KRTAP1-1: variants seen among roughly 807,000 people sequenced by gnomAD.
KRTAP1-1 encodes the protein keratin-associated protein 1-1.
KRTAP1-1 carries 9 observed loss-of-function variants against 14.1 expected under a neutral mutation model. The ratio of observed to expected loss-of-function variants is 0.64; its 90% CI spans 0.39 to 1.12. The LOEUF is 1.12. Ranked by LOEUF, KRTAP1-1 falls within the 50% of genes most tolerant of loss-of-function variation. The probability of loss-of-function intolerance (pLI) is 0.01; values close to 1 mark genes in which losing one functional copy is unlikely to be tolerated. For synonymous variants in KRTAP1-1, 77 were observed against 80.5 expected, an observed-to-expected ratio of 0.96 and a Z score of 0.23; for missense variants, 179 against 230.9, an observed-to-expected ratio of 0.78 and a Z score of 1.46.
chr17:41,040,666 C>G lies in KRTAP1-1; in HGVS notation c.*198G>C. The G allele has an allele frequency of 1.8e-6, 1 of 557,228 alleles. No homozygotes were observed. Among genetic ancestry groups the G allele is most frequent in the South Asian group, 3.5e-5 (1 of 28,962 alleles). The allele number at this position is 557,228 out of a possible 1,614,324, so 34.5% of individuals were successfully genotyped here. ...ATCTAACTCTTTTCACATTGTAGGACTTTGGCTGACAACCAGGTCTAGGAA... is the reference window on the plus strand; with the variant it reads ...ATCTAACTCTTTTCACATTGTAGGAGTTTGGCTGACAACCAGGTCTAGGAA... On this transcript the variant is annotated 3_prime_UTR_variant, in exon 1 of 1. Coordinates refer to ENST00000306271, the MANE Select transcript of KRTAP1-1 (RefSeq NM_030967.3).
chr17:41,040,723 A>T lies in KRTAP1-1; in HGVS notation c.*141T>A. 2.9e-6 allele frequency: 3 copies of T among 1,045,950 alleles called. No homozygotes were observed. Among genetic ancestry groups the T allele is most frequent in the Non-Finnish European group, 2.7e-6 (2 of 749,774 alleles). 64.8% of individuals were successfully genotyped at this position (1,045,950 alleles called of 1,614,324 possible). A position where few individuals can be genotyped will look rare whatever the true frequency, so the allele number is the denominator to read the frequency against. ...TTGGTCTTCCATTGTAAATGAATTTACTTCCTAGGGAATTTATGTGGCTGT... is the reference window on the plus strand; with the variant it reads ...TTGGTCTTCCATTGTAAATGAATTTTCTTCCTAGGGAATTTATGTGGCTGT... On this transcript the variant is annotated 3_prime_UTR_variant, in exon 1 of 1. Transcript: ENST00000306271.
At position 41,040,930 on chromosome 17, in the gene KRTAP1-1, T is replaced by C. The variant is rs1426815415; in HGVS notation, c.468A>G (p.Pro156=). 2 of 1,612,612 alleles carry C rather than the reference T, an allele frequency of 1.2e-6. No individual in the cohort carries two copies. The highest frequency in any genetic ancestry group is 1.3e-5 in the African/African-American group (1 of 75,016). The change falls in exon 1 of 1, where the codon CCA becomes CCG. Residue 156 remains proline, a synonymous_variant. Transcript: ENST00000306271. ...LHHAEASCCR[P]SYCGQSCCRP... Reference sequence around the variant, plus strand: ...GGCAACAGGACTGTCCACAGTAGGATGGGCGGCAGCAGGAGGCCTCGGCGT... The same window carrying C: ...GGCAACAGGACTGTCCACAGTAGGACGGGCGGCAGCAGGAGGCCTCGGCGT...
rs780756148 is a variant in KRTAP1-1 at position 41,040,937 on chromosome 17, C to T, written c.461G>A (p.Cys154Tyr). 1 of 1,612,762 alleles carries T rather than the reference C, an allele frequency of 6.2e-7. No homozygotes were observed. The highest frequency in any genetic ancestry group is 1.7e-5 in the Admixed American group (1 of 59,960). ...GGACTGTCCACAGTAGGATGGGCGG[C>T]AGCAGGAGGCCTCGGCGTGGTGCAG... is the stretch of plus-strand genomic sequence containing the variant. ...CQLHHAEASC[C>Y]RPSYCGQSCC... Residue 154 changes from cysteine to tyrosine, a missense_variant, in exon 1 of 1, where the codon TGC becomes TAC. Coordinates refer to ENST00000306271, the MANE Select transcript of KRTAP1-1 (RefSeq NM_030967.3).
chr17:41,041,423 G>A lies in KRTAP1-1; in HGVS notation c.-26C>T. ...GGTGTCAGGAGTTGATCTGAAGGTTGGGTTGCTTGGAGGAGTTTCTGAATT... is the reference window on the plus strand; with the variant it reads ...GGTGTCAGGAGTTGATCTGAAGGTTAGGTTGCTTGGAGGAGTTTCTGAATT... On this transcript the variant is annotated 5_prime_UTR_variant, in exon 1 of 1. Coordinates refer to ENST00000306271, the MANE Select transcript of KRTAP1-1 (RefSeq NM_030967.3). The A allele has an allele frequency of 6.2e-7, 1 of 1,609,204 alleles. No homozygotes were observed. Among genetic ancestry groups the A allele is most frequent in the Non-Finnish European group, 8.5e-7 (1 of 1,176,130 alleles).
rs1157914813 is a variant in KRTAP1-1 at position 41,041,324 on chromosome 17, C to T, written c.74G>A (p.Cys25Tyr). Residue 25 changes from cysteine (C) to tyrosine (Y), a missense_variant, in exon 1 of 1, where the codon TGC (cysteine) becomes TAC (tyrosine). Transcript: ENST00000306271. ...GCTGGTCTCACAGCAGCTTGGCTGG[C>T]AGCAGCTGGAGCCGCAGGTCCCACT... ...STSGTCGSSCCQPSCCETSSC... is the reference protein window; with the variant it reads ...STSGTCGSSCYQPSCCETSSC... 3 of 1,538,814 alleles carry T rather than the reference C, an allele frequency of 1.9e-6. No homozygotes were observed. Among genetic ancestry groups the T allele is most frequent in the South Asian group, 2.3e-5 (2 of 88,262 alleles).
rs2012691190 is a variant in KRTAP1-1, at chr17:41,040,778, G to A, written c.*86C>T. 4 of 1,346,362 alleles carry A rather than the reference G, an allele frequency of 3.0e-6. No individual in the cohort carries two copies. The highest frequency in any genetic ancestry group is 3.0e-6 in the Non-Finnish European group (3 of 987,180). 83.4% of individuals were successfully genotyped at this position (1,346,362 alleles called of 1,614,324 possible). On this transcript the variant is annotated 3_prime_UTR_variant, in exon 1 of 1. Coordinates refer to ENST00000306271, the MANE Select transcript of KRTAP1-1 (RefSeq NM_030967.3). ...TGAGAGGTTGCAAGCCCAGTTATAG[G>A]TACTGGAGTTCAGAAGATTGTTAGG...
chr17:41,041,212 G>A lies in KRTAP1-1; in HGVS notation c.186C>T (p.Thr62=), dbSNP rs557959680. The change falls in exon 1 of 1, where the codon ACC becomes ACT. Residue 62 remains threonine (T), a synonymous_variant. Transcript: ENST00000306271. ...AGCAGCTAGAGTCACAAGTCCCACC[G>A]GTTGAGAAGCTAGGAAATCCACAGA... ...TSFCGFPSFS[T]GGTCDSSCCQ... is the part of the protein sequence containing the mutation. 5.5e-4 allele frequency: 857 copies of A among 1,563,710 alleles called. 3 individuals are homozygous for A. Among genetic ancestry groups the A allele is most frequent in the Non-Finnish European group, 2.5e-4 (293 of 1,160,938 alleles).
Position 41,040,886 on chromosome 17 carries a change from T to C in KRTAP1-1, c.512A>G (p.Tyr171Cys). The C allele has an allele frequency of 1.9e-6, 3 of 1,591,238 alleles. No individual in the cohort carries two copies. Among genetic ancestry groups the C allele is most frequent in the Non-Finnish European group, 2.6e-6 (3 of 1,165,346 alleles). ...TTTTCAACAAGTGGGCTCAGAGCAG[T>C]AGCAGCAGCAGACTGGGCGGCAACA... is the stretch of plus-strand genomic sequence containing the variant. ...QSCCRPVCCC[Y>C]CSEPTC is the part of the protein sequence containing the mutation. Residue 171 changes from tyrosine (Y) to cysteine (C), a missense_variant, in exon 1 of 1, where the codon TAC becomes TGC. Transcript: ENST00000306271.
rs1432612923 is a variant in KRTAP1-1 at position 41,041,118 on chromosome 17, C to T, written c.280G>A (p.Gly94Ser). Residue 94 changes from glycine to serine, a missense_variant, in exon 1 of 1, where the codon GGC becomes AGC. Gly to Ser is a moderately conservative substitution (Grantham distance 56). Transcript: ENST00000306271. ...SCYQTSSCGT[G>S]CGIGGGIGYG... Reference sequence around the variant, plus strand: ...CCAATGCCACCACCAATGCCACAGCCAGTTCCGCAGGAGCTGGTCTGGTAG... The same window carrying T: ...CCAATGCCACCACCAATGCCACAGCTAGTTCCGCAGGAGCTGGTCTGGTAG... 6.2e-7 allele frequency: 1 copy of T among 1,613,942 alleles called. No homozygotes were observed. Among genetic ancestry groups the T allele is most frequent in the Non-Finnish European group, 8.5e-7 (1 of 1,179,960 alleles).
At position 41,040,929 on chromosome 17, in the gene KRTAP1-1, A is replaced by T. The variant is rs1168354474; in HGVS notation, c.469T>A (p.Ser157Thr). Residue 157 changes from serine to threonine, a missense_variant, in exon 1 of 1, where the codon TCC (serine) becomes ACC (threonine). Physicochemically the swap from Ser to Thr is moderately conservative, Grantham distance 58. Coordinates refer to ENST00000306271, the MANE Select transcript of KRTAP1-1 (RefSeq NM_030967.3). ...HHAEASCCRP[S>T]YCGQSCCRPV... ...CGGCAACAGGACTGTCCACAGTAGG[A>T]TGGGCGGCAGCAGGAGGCCTCGGCG... is the stretch of plus-strand genomic sequence containing the variant. The T allele has an allele frequency of 2.5e-6, 4 of 1,612,622 alleles. No individual in the cohort carries two copies. The highest frequency in any genetic ancestry group is 2.7e-5 in the African/African-American group (2 of 75,028).
Position 41,040,752 on chromosome 17 carries a change from A to G in KRTAP1-1, c.*112T>C, listed in dbSNP as rs1254950410. The G allele has an allele frequency of 3.3e-6, 4 of 1,205,490 alleles. No homozygotes were observed. Among genetic ancestry groups the G allele is most frequent in the South Asian group, 1.7e-5 (1 of 58,552 alleles). The allele number at this position is 1,205,490 out of a possible 1,614,324, so 74.7% of individuals were successfully genotyped here. On this transcript the variant is annotated 3_prime_UTR_variant, in exon 1 of 1. Coordinates refer to ENST00000306271, the MANE Select transcript of KRTAP1-1 (RefSeq NM_030967.3). ...CCTAGGGAATTTATGTGGCTGTGTG[A>G]TGAGAGGTTGCAAGCCCAGTTATAG...
Position 41,040,736 on chromosome 17 carries a change from T to A in KRTAP1-1, c.*128A>T, listed in dbSNP as rs1597952055. On this transcript the variant is annotated 3_prime_UTR_variant, in exon 1 of 1. Transcript: ENST00000306271. ...GTAAATGAATTTACTTCCTAGGGAA[T>A]TTATGTGGCTGTGTGATGAGAGGTT... 1 of 1,121,606 alleles carries A rather than the reference T, an allele frequency of 8.9e-7. No individual in the cohort carries two copies. The highest frequency in any genetic ancestry group is 2.6e-5 in the East Asian group (1 of 38,606). The allele number at this position is 1,121,606 out of a possible 1,614,324, so 69.5% of individuals were successfully genotyped here. A position where few individuals can be genotyped will look rare whatever the true frequency, so the allele number is the denominator to read the frequency against.
chr17:41,040,751 G>A lies in KRTAP1-1; in HGVS notation c.*113C>T. The stretch of plus-strand genomic sequence containing the variant: ...TCCTAGGGAATTTATGTGGCTGTGT[G>A]ATGAGAGGTTGCAAGCCCAGTTATA... On this transcript the variant is annotated 3_prime_UTR_variant, in exon 1 of 1. Transcript: ENST00000306271. The A allele has an allele frequency of 1.7e-6, 2 of 1,197,122 alleles. No individual in the cohort carries two copies. The highest frequency in any genetic ancestry group is 2.3e-6 in the Non-Finnish European group (2 of 869,924). 74.2% of individuals were successfully genotyped at this position (1,197,122 alleles called of 1,614,324 possible). A position where few individuals can be genotyped will look rare whatever the true frequency, so the allele number is the denominator to read the frequency against.
Position 41,041,097 on chromosome 17 carries a change from T to C in KRTAP1-1, c.301A>G (p.Ile101Val). ...CTGCTGCCCTCCTGGCCATAGCCAA[T>C]GCCACCACCAATGCCACAGCCAGTT... ...CGTGCGIGGG[I>V]GYGQEGSSGA... The change falls in exon 1 of 1, where the codon ATT becomes GTT. Residue 101 changes from isoleucine (I) to valine (V), a missense_variant. Physicochemically the swap from Ile to Val is conservative, Grantham distance 29. Coordinates refer to ENST00000306271, the MANE Select transcript of KRTAP1-1 (RefSeq NM_030967.3). 2 of 1,613,950 alleles carry C rather than the reference T, an allele frequency of 1.2e-6. No homozygotes were observed. Among genetic ancestry groups the C allele is most frequent in the Non-Finnish European group, 1.7e-6 (2 of 1,179,958 alleles).
chr17:41,041,181 G>T lies in KRTAP1-1; in HGVS notation c.217C>A (p.Pro73Thr). 6.2e-7 allele frequency: 1 copy of T among 1,607,814 alleles called. No homozygotes were observed. Among genetic ancestry groups the T allele is most frequent in the East Asian group, 2.2e-5 (1 of 44,836 alleles). ...CAGCAGCTAGTTTCACAGCAGCTTG[G>T]CTGGCAGCAGCTAGAGTCACAAGTC... Reference protein sequence around the residue: ...GGTCDSSCCQPSCCETSCCQP... With the variant: ...GGTCDSSCCQTSCCETSCCQP... Residue 73 changes from proline (P) to threonine (T), a missense_variant, in exon 1 of 1, where the codon CCA becomes ACA. Coordinates refer to ENST00000306271, the MANE Select transcript of KRTAP1-1 (RefSeq NM_030967.3).
chr17:41,040,897 G>A lies in KRTAP1-1; in HGVS notation c.501C>T (p.Val167=). 6.3e-7 allele frequency: 1 copy of A among 1,597,538 alleles called. No homozygotes were observed. The stretch of plus-strand genomic sequence containing the variant: ...TGGGCTCAGAGCAGTAGCAGCAGCA[G>A]ACTGGGCGGCAACAGGACTGTCCAC... ...SYCGQSCCRP[V]CCCYCSEPTC Residue 167 remains valine (V), a synonymous_variant, in exon 1 of 1, where the codon GTC becomes GTT. Transcript: ENST00000306271.
chr17:41,041,132 C>G lies in KRTAP1-1; in HGVS notation c.266G>C (p.Ser89Thr), dbSNP rs1567906454. 1.2e-6 allele frequency: 2 copies of G among 1,614,016 alleles called. No individual in the cohort carries two copies. Among genetic ancestry groups the G allele is most frequent in the Admixed American group, 1.7e-5 (1 of 60,022 alleles). ...AATGCCACAGCCAGTTCCGCAGGAGCTGGTCTGGTAGCAGCTTGGCTGGCA... is the reference window on the plus strand; with the variant it reads ...AATGCCACAGCCAGTTCCGCAGGAGGTGGTCTGGTAGCAGCTTGGCTGGCA... ...SCCQPSCYQT[S>T]SCGTGCGIGG... Residue 89 changes from serine (S) to threonine (T), a missense_variant, in exon 1 of 1, where the codon AGC (serine) becomes ACC (threonine). Ser to Thr is a moderately conservative substitution (Grantham distance 58, BLOSUM62 1). Transcript: ENST00000306271.
chr17:41,040,860 G>C lies in KRTAP1-1; in HGVS notation c.*4C>G, dbSNP rs971806293. 6.4e-7 allele frequency: 1 copy of C among 1,558,808 alleles called. No individual in the cohort carries two copies. The highest frequency in any genetic ancestry group is 1.2e-5 in the South Asian group (1 of 81,656). On this transcript the variant is annotated 3_prime_UTR_variant, in exon 1 of 1. Transcript: ENST00000306271. ...TTATCAGGATCCCCAGCAGAAGGAG[G>C]TTTTCAACAAGTGGGCTCAGAGCAG...
Position 41,041,039 on chromosome 17 carries a change from C to T in KRTAP1-1, c.359G>A (p.Arg120His), listed in dbSNP as rs775820563. 2.8e-5 allele frequency: 45 copies of T among 1,613,606 alleles called. No homozygotes were observed. The highest frequency in any genetic ancestry group is 8.0e-5 in the African/African-American group (6 of 74,912). ...GAVSTRIRWCRPDCRVEGTCL... is the reference protein window; with the variant it reads ...GAVSTRIRWCHPDCRVEGTCL... ...GGTACCCTCCACACGGCAGTCTGGG[C>T]GGCACCACCTGATACGGGTGCTCAC... Residue 120 changes from arginine to histidine, a missense_variant, in exon 1 of 1, where the codon CGC becomes CAC. Arg to His is a conservative substitution (Grantham distance 29, BLOSUM62 0). Transcript: ENST00000306271.
Sources: gnomAD v4.1 joint callset for allele counts on GRCh38, gnomAD v4.1.1 for gene constraint, MANE v1.5 for transcripts, NCBI Gene and HGNC (gene_info 2026-07-23, HGNC 2026-07-21) for gene names.